Variants in C1orf87 observed in about 807,000 individuals in gnomAD.
C1orf87 encodes uncharacterized protein C1orf87.
C1orf87 carries 58 observed loss-of-function variants against 60.5 expected under a neutral mutation model. The observed-to-expected ratio is 0.96, with a 90% CI of 0.78 to 1.19. The LOEUF (loss-of-function observed/expected upper bound fraction) is 1.19, where lower values mean the gene tolerates loss of function less well. C1orf87 is among the 50% of genes most tolerant of loss of function. The probability of loss-of-function intolerance (pLI) is 0.00; values close to 1 mark genes in which losing one functional copy is unlikely to be tolerated. For synonymous variants in C1orf87, 236 were observed against 227.4 expected, an observed-to-expected ratio of 1.04 and a Z score of -0.34; for missense variants, 673 against 638.6, an observed-to-expected ratio of 1.05 and a Z score of -0.58.
rs114769012 is a variant in C1orf87 at position 60,039,945 on chromosome 1, C to T, written c.719G>A (p.Arg240Lys). ...TTCAGGAGAACCCCTCTTAGAAAAT[C>T]TCTGACAAAGGATTTTAACTGTTGG... ...QLPTVKILCQRFSKRGSPEMV... is the reference protein window; with the variant it reads ...QLPTVKILCQKFSKRGSPEMV... Residue 240 changes from arginine (R) to lysine (K), a missense_variant, in exon 5 of 12, where the codon AGA becomes AAA. Transcript: ENST00000371201. 1,691 of 1,613,944 alleles carry T rather than the reference C, an allele frequency of 1.0e-3. 23 individuals carry two copies. The African/African-American group carries it at 0.02, about 19-fold the overall frequency.
At chr1:60,022,509 A>G (rs1645170700) in intron 8 of C1orf87, among the ~76,000 whole-genome samples, 1 of 152,164 alleles carries the variant, frequency 6.6e-6, no homozygotes, top group South Asian at 2.1e-4. Flanking sequence ...TCCACAGGGT[A>G]TATATTCCAA....
intron 9 of C1orf87, 60 bp downstream of exon 9, chr1:60,010,332 G>A: frequency 6.9e-7 from 1 of 1,446,576 alleles, no homozygotes; most frequent in Non-Finnish European, 9.7e-7. Context: ...AGGCAGCATA[G>A]TCAACAATAG....
chr1:60,025,518 A>T lies in C1orf87; in HGVS notation c.1030-20T>A, dbSNP rs1645193154. On this transcript the variant is annotated intron_variant, in intron 7 of 11. Coordinates refer to ENST00000371201, the MANE Select transcript of C1orf87 (RefSeq NM_152377.3). The stretch of plus-strand genomic sequence containing the variant: ...CCTGACCTACAAGTTAAAAAAAAAT[A>T]AAAAAGATTTGATGTTTCACTAGGA... 6.5e-7 allele frequency: 1 copy of T among 1,544,302 alleles called. No individual in the cohort carries two copies.
Position 60,033,489 on chromosome 1 carries a change from A to G in C1orf87, c.1016T>C (p.Leu339Pro). The G allele has an allele frequency of 6.2e-7, 1 of 1,613,646 alleles. No homozygotes were observed. The highest frequency in any genetic ancestry group is 8.5e-7 in the Non-Finnish European group (1 of 1,179,770). The change falls in exon 7 of 12, where the codon CTC (leucine) becomes CCC (proline). Residue 339 changes from leucine to proline, a missense_variant. Physicochemically the swap from Leu to Pro is moderately conservative, Grantham distance 98. Transcript: ENST00000371201. ...RKEDRSFSGCLPLPKVRAICG... is the reference protein window; with the variant it reads ...RKEDRSFSGCPPLPKVRAICG... ...AATTTTGGTTACCTTAGGTAGAGGG[A>G]GGCAGCCAGAGAACGAGCGATCTTC...
At chr1:60,038,542 A>T (rs1645295280) in intron 5 of C1orf87, among the ~76,000 whole-genome samples, 1 of 152,176 alleles carries the variant, frequency 6.6e-6, no homozygotes, top group Admixed American at 6.5e-5. Flanking sequence ...CATGAAAAAA[A>T]ATAACTTTTT....
chr1:60,020,185 G>C (rs560460241), intron 8 of C1orf87, among the ~76,000 whole-genome samples: 1 of 152,318 alleles, frequency 6.6e-6, no homozygotes, highest in African/African-American at 2.4e-5. Context: ...CCCAGGCTGG[G>C]CTTGAGGCTC....
intron 8 of C1orf87, among the ~76,000 whole-genome samples, chr1:60,011,271 C>T (rs1645082826): frequency 6.6e-6 from 1 of 151,980 alleles, no homozygotes. Flanking sequence ...ATCCACCTTC[C>T]ATTTATATAT....
chr1:59,998,268 A>G (rs550270357), intron 10 of C1orf87, among the ~76,000 whole-genome samples: 2 of 152,266 alleles, frequency 1.3e-5, no homozygotes, highest in African/African-American at 4.8e-5. Context: ...TTGTGGGTCC[A>G]TTTCAAAGGA....
intron 8 of C1orf87, among the ~76,000 whole-genome samples, chr1:60,023,956 T>A (rs1371978750): frequency 6.6e-6 from 1 of 152,222 alleles, no homozygotes; most frequent in Non-Finnish European, 1.5e-5. Context: ...TTGTATTTTT[T>A]ATCTCTAGAA....
chr1:60,003,238 G>T (rs1488458959), intron 9 of C1orf87, among the ~76,000 whole-genome samples: 1 of 142,032 alleles, frequency 7.0e-6, no homozygotes, highest in Non-Finnish European at 1.5e-5. Context: ...ACCAAACACC[G>T]CATATTCTCA....
chr1:60,002,298 T>C (rs1249886015), intron 9 of C1orf87, among the ~76,000 whole-genome samples: 1 of 152,096 alleles, frequency 6.6e-6, no homozygotes, highest in African/African-American at 2.4e-5. Context: ...GCAAGTTACT[T>C]GTCCTCTCTG....
intron 2 of C1orf87, among the ~76,000 whole-genome samples, chr1:60,069,759 G>C (rs1645572759): frequency 1.3e-5 from 2 of 152,040 alleles, no homozygotes; most frequent in African/African-American, 4.8e-5. Flanking sequence ...GTTGTTATGG[G>C]TTGAACTGTG....
chr1:60,062,710 A>G (rs905805699), intron 2 of C1orf87, among the ~76,000 whole-genome samples: 22 of 152,198 alleles, frequency 1.4e-4, no homozygotes, highest in African/African-American at 5.3e-4. Context: ...GCCTTTATGC[A>G]TTTAGGAGTT....
Position 59,990,689 on chromosome 1 carries a change from T to C in C1orf87, c.1625A>G (p.Tyr542Cys). ...ENMLLEPALR[Y>C]LKEL ...GGCTTGTTATCATAGCTCCTTTAAG[T>C]ACCGCAGTGCTGGCTCCAAGAGCAT... Residue 542 changes from tyrosine (Y) to cysteine (C), a missense_variant, in exon 12 of 12, where the codon TAC becomes TGC. Coordinates refer to ENST00000371201, the MANE Select transcript of C1orf87 (RefSeq NM_152377.3). 1 of 1,613,956 alleles carries C rather than the reference T, an allele frequency of 6.2e-7. No individual in the cohort carries two copies.
chr1:60,049,516 A>G (rs1438263320), intron 3 of C1orf87, among the ~76,000 whole-genome samples: 1 of 152,070 alleles, frequency 6.6e-6, no homozygotes, highest in Non-Finnish European at 1.5e-5. Flanking sequence ...CAGTGATGCA[A>G]GTTGCAGATT....
chr1:60,036,691 T>C (rs1645279674), intron 6 of C1orf87, among the ~76,000 whole-genome samples: 1 of 152,224 alleles, frequency 6.6e-6, no homozygotes, highest in Non-Finnish European at 1.5e-5. Context: ...GCCAGGCTTT[T>C]GCAATGGAGG....
Position 60,055,244 on chromosome 1 carries a change from A to AGTTTCTGGTTGTTTTCTG in C1orf87, c.284_301dup (p.Lys100_Leu101insProGluAsnAsnGlnLys), listed in dbSNP as rs1645444946. On this transcript the variant is annotated inframe_insertion, in exon 3 of 12. Transcript: ENST00000371201. Reference sequence around the variant, plus strand: ...TCTGCTACTGTTTGCCCCTGTTAGTAGTTTCTGGTTGTTTTCTGATTTCTG... The same window carrying AGTTTCTGGTTGTTTTCTG: ...TCTGCTACTGTTTGCCCCTGTTAGTAGTTTCTGGTTGTTTTCTGGTTTCTGGTTGTTTTCTGATTTCTG... 6.2e-7 allele frequency: 1 copy of AGTTTCTGGTTGTTTTCTG among 1,613,960 alleles called. No homozygotes were observed.
chr1:60,017,991 T>G (rs1276133317), intron 8 of C1orf87, among the ~76,000 whole-genome samples: 2 of 152,196 alleles, frequency 1.3e-5, no homozygotes, highest in Non-Finnish European at 2.9e-5. Flanking sequence ...TAATCCCACA[T>G]CACCATAATC....
At chr1:60,014,194 A>T (rs1463116137) in intron 8 of C1orf87, among the ~76,000 whole-genome samples, 3 of 152,160 alleles carry the variant, frequency 2.0e-5, no homozygotes, top group Non-Finnish European at 4.4e-5. Flanking sequence ...GTGGGGAACC[A>T]GAGTGCTCGG....
Sources: allele counts gnomAD v4.1 joint callset (sites outside exome capture counted in the v4.1 genomes callset), GRCh38; gene constraint gnomAD v4.1.1; transcripts MANE v1.5; gene names NCBI Gene and HGNC (gene_info 2026-07-23, HGNC 2026-07-21).